NPAS3: variants seen among roughly 807,000 people sequenced by gnomAD.
NPAS3 encodes neuronal PAS domain protein 3.
Under a neutral mutation model 73.1 loss-of-function variants are expected in NPAS3, and 14 were observed. The observed-to-expected ratio is 0.19, with a 90% confidence interval of 0.13 to 0.30. The LOEUF (loss-of-function observed/expected upper bound fraction) is 0.30. Ranked by LOEUF, NPAS3 falls within the 10% of genes least tolerant of loss-of-function variation. NPAS3 has a pLI of 1.00. For synonymous variants in NPAS3, 620 were observed against 541.5 expected (o/e 1.14, Z -2.01); for missense variants, 1,096 against 1,250.0 (o/e 0.88, Z 1.86).
chr14:33,474,426 T>C (rs1230456222), intron 4 of NPAS3, among the ~76,000 whole-genome samples: 2 of 152,102 alleles, frequency 1.3e-5, no homozygotes, highest in Non-Finnish European at 2.9e-5. Context: ...ACAAAACATA[T>C]GTGTTACTTT....
chr14:33,647,273 T>C (rs2140213862), intron 5 of NPAS3, among the ~76,000 whole-genome samples: 2 of 148,314 alleles, frequency 1.3e-5, no homozygotes, highest in East Asian at 3.9e-4. Context: ...CTTCTTACTC[T>C]CTCTCTCTCT....
intron 3 of NPAS3, among the ~76,000 whole-genome samples, chr14:33,339,705 C>T (rs559408552): frequency 2.0e-5 from 3 of 152,026 alleles, no homozygotes; most frequent in Admixed American, 6.5e-5. Flanking sequence ...ATCAGCATGA[C>T]AGTTGAGGTC....
chr14:33,796,174 C>G (rs886885069), intron 10 of NPAS3, among the ~76,000 whole-genome samples: 1 of 152,156 alleles, frequency 6.6e-6, no homozygotes, highest in Admixed American at 6.5e-5. Context: ...ATTATTCTTC[C>G]CTGAGCAATA....
chr14:33,484,478 A>G (rs1296116606), intron 4 of NPAS3, among the ~76,000 whole-genome samples: 1 of 152,198 alleles, frequency 6.6e-6, no homozygotes, highest in Non-Finnish European at 1.5e-5. Flanking sequence ...AGCACTCAGT[A>G]ACGGCCAAAT....
chr14:32,993,953 A>G (rs975580089), intron 1 of NPAS3, among the ~76,000 whole-genome samples: 2 of 152,234 alleles, frequency 1.3e-5, no homozygotes, highest in African/African-American at 2.4e-5. Flanking sequence ...TTACATAAAC[A>G]GGATCTTAGC....
chr14:33,433,817 T>A (rs1406071781), intron 4 of NPAS3, among the ~76,000 whole-genome samples: 1 of 152,210 alleles, frequency 6.6e-6, no homozygotes, highest in African/African-American at 2.4e-5. Flanking sequence ...ATGTGAGCCA[T>A]GAAAGTTTCG....
chr14:33,202,915 A>G (rs1412667923), intron 2 of NPAS3, among the ~76,000 whole-genome samples: 3 of 152,220 alleles, frequency 2.0e-5, no homozygotes, highest in Non-Finnish European at 4.4e-5. Context: ...CTTTTGTAGT[A>G]TATTTTGAAT....
Position 33,433,070 on chromosome 14 carries a change from A to G in NPAS3, c.468+65802A>G, listed in dbSNP as rs144671531. ...TTTTAATGTTTATTTGTTCAATGTC[A>G]TCAAGTTGTGAGGATGTATGGTTAG... On this transcript the variant is annotated intron_variant, in intron 4 of 11. Coordinates refer to ENST00000356141, the Ensembl canonical transcript of NPAS3. Among the ~76,000 whole-genome samples, 19 of 152,312 alleles carry G rather than the reference A, an allele frequency of 1.2e-4. No individual in the cohort carries two copies. The East Asian group carries it at 3.7e-3, about 29-fold the overall frequency.
At chr14:33,034,363 AATATT>A (rs1290736175) in intron 1 of NPAS3, among the ~76,000 whole-genome samples, 1 of 151,844 alleles carries the variant, frequency 6.6e-6, no homozygotes, top group Non-Finnish European at 1.5e-5. Context: ...CAATGTGATA[AATATT>A]ATTTATACTT....
chr14:32,999,615 T>C (rs2038729508), intron 1 of NPAS3, among the ~76,000 whole-genome samples: 1 of 152,212 alleles, frequency 6.6e-6, no homozygotes, highest in Admixed American at 6.5e-5. Flanking sequence ...TTTTAGTAAT[T>C]ACATGTATAT....
At chr14:33,030,442 A>G (rs563644335) in intron 1 of NPAS3, among the ~76,000 whole-genome samples, 1 of 152,192 alleles carries the variant, frequency 6.6e-6, no homozygotes, top group Admixed American at 6.5e-5. Flanking sequence ...CTGCTTTAAA[A>G]ATGTTTAAAA....
At chr14:33,689,715 C>T (rs1012644735) in intron 6 of NPAS3, among the ~76,000 whole-genome samples, 2 of 152,168 alleles carry the variant, frequency 1.3e-5, no homozygotes, top group East Asian at 3.9e-4. Flanking sequence ...TCTCCCTAAC[C>T]TCTATAATAT....
intron 2 of NPAS3, among the ~76,000 whole-genome samples, chr14:33,190,204 T>A (rs986365965): frequency 1.3e-5 from 2 of 152,220 alleles, no homozygotes; most frequent in African/African-American, 4.8e-5. Context: ...AAATATTGTC[T>A]AATGCTGAAA....
chr14:33,733,840 C>T (rs1170558538), intron 6 of NPAS3, among the ~76,000 whole-genome samples: 1 of 151,764 alleles, frequency 6.6e-6, no homozygotes, highest in East Asian at 1.9e-4. Flanking sequence ...ATTCCATCAC[C>T]CCAGAATAGA....
chr14:33,181,598 G>A (rs964955532), intron 2 of NPAS3, among the ~76,000 whole-genome samples: 1 of 152,074 alleles, frequency 6.6e-6, no homozygotes, highest in Non-Finnish European at 1.5e-5. Context: ...TTAGTAGTTG[G>A]GTAGATGATG....
At chr14:33,284,811 T>G (rs1023811879) in intron 3 of NPAS3, among the ~76,000 whole-genome samples, 2 of 134,266 alleles carry the variant, frequency 1.5e-5, no homozygotes, top group African/African-American at 5.5e-5. Context: ...TATCTATCTA[T>G]CTATATAATC....
chr14:33,610,776 T>C (rs2057724629), intron 5 of NPAS3, among the ~76,000 whole-genome samples: 1 of 152,220 alleles, frequency 6.6e-6, no homozygotes, highest in Non-Finnish European at 1.5e-5. Context: ...TGAAGCTGAA[T>C]AACATTTTCT....
At chr14:33,388,401 C>A (rs1258350917) in intron 4 of NPAS3, among the ~76,000 whole-genome samples, 1 of 151,736 alleles carries the variant, frequency 6.6e-6, no homozygotes, top group Non-Finnish European at 1.5e-5. Context: ...AGGTCAAATG[C>A]CAGTGCTTAG....
chr14:33,772,948 C>A (rs533372564), intron 7 of NPAS3, among the ~76,000 whole-genome samples: 1 of 152,206 alleles, frequency 6.6e-6, no homozygotes, highest in East Asian at 1.9e-4. Context: ...CAGCTGTGGG[C>A]GCCGACGTGA....
Sources: allele counts gnomAD v4.1 joint callset (sites outside exome capture counted in the v4.1 genomes callset), GRCh38; gene constraint gnomAD v4.1.1; transcripts MANE v1.5; gene names NCBI Gene and HGNC (gene_info 2026-07-23, HGNC 2026-07-21).